Variants in MICAL3 observed in about 807,000 individuals in gnomAD.
MICAL3 encodes [F-actin]-monooxygenase MICAL3.
MICAL3 carries 62 observed loss-of-function variants against 207.4 expected under a neutral mutation model. The ratio of observed to expected loss-of-function variants is 0.30; its 90% CI spans 0.24 to 0.37. The LOEUF (loss-of-function observed/expected upper bound fraction) is 0.37. Among genes scored for constraint, MICAL3 ranks in the 10% least tolerant of loss-of-function variants. The pLI, the probability that MICAL3 is intolerant of heterozygous loss-of-function variation, is 1.00. For missense variants in MICAL3, 2,368 were observed against 2,635.6 expected (o/e 0.90, Z 2.22); for synonymous variants, 1,077 against 1,069.3 (o/e 1.01, Z -0.14).
intron 1 of MICAL3, among the ~76,000 whole-genome samples, chr22:17,924,493 T>G (rs1297644992): frequency 6.6e-6 from 1 of 152,146 alleles, no homozygotes; most frequent in Non-Finnish European, 1.5e-5. Context: ...CTGGAAATAT[T>G]CCAAAATCTC....
chr22:17,820,352 G>A (rs533041712), intron 25 of MICAL3, among the ~76,000 whole-genome samples: 75 of 152,224 alleles, frequency 4.9e-4, no homozygotes, highest in African/African-American at 1.5e-3. Context: ...CTGCATGGAC[G>A]CTGTAAATTT....
intron 16 of MICAL3, chr22:17,884,256 G>A: frequency 1.3e-6 from 2 of 1,573,678 alleles, no homozygotes; most frequent in Non-Finnish European, 1.7e-6. Context: ...ACCCATCCTG[G>A]CCCTGGCAGT....
At chr22:18,008,531 T>C (rs1394367529) in intron 1 of MICAL3, among the ~76,000 whole-genome samples, 1 of 152,154 alleles carries the variant, frequency 6.6e-6, no homozygotes, top group Non-Finnish European at 1.5e-5. Context: ...GTGGACCTAC[T>C]GAAGACATGA....
At chr22:17,876,824 G>GTTATGGAGGTTAGGGAGGTTAGGGAA (rs1928495510) in intron 16 of MICAL3, 4 of 91,198 alleles carry the variant, frequency 4.4e-5, no homozygotes, top group East Asian at 3.0e-4. Flanking sequence ...AGGTTAGGGA[G>GTTATGGAGGTTAGGGAGGTTAGGGAA]GTTATGGAGG....
intron 19 of MICAL3, chr22:17,864,686 C>A: frequency 6.2e-7 from 1 of 1,610,720 alleles, no homozygotes; most frequent in African/African-American, 1.3e-5. Flanking sequence ...TGGAACTCCC[C>A]TCTGATTTGC....
At chr22:17,878,355 C>T (rs1391892873) in intron 16 of MICAL3, among the ~76,000 whole-genome samples, 7 of 152,148 alleles carry the variant, frequency 4.6e-5, no homozygotes, top group Admixed American at 4.6e-4. Context: ...GGGTGAGCAC[C>T]GTGGGGCGAG....
In MICAL3 at chr22:18,014,862, G is replaced by A. The variant is rs371763503; in HGVS notation, c.-75+9419C>T. 6.6e-4 allele frequency among the ~76,000 whole-genome samples: 100 copies of A among 151,996 alleles called. 1 individual carries two copies. The highest frequency in any genetic ancestry group is 3.4e-3 in the Middle Eastern group (1 of 292). Reference sequence around the variant, plus strand: ...CAAAAAATTAGCCAGGCGTGGTGGCGGGTGCCTGTAGCCCCAGCTACTCGG... The same window carrying A: ...CAAAAAATTAGCCAGGCGTGGTGGCAGGTGCCTGTAGCCCCAGCTACTCGG... On this transcript the variant is annotated intron_variant, in intron 1 of 31. Coordinates refer to ENST00000441493, the MANE Select transcript of MICAL3 (RefSeq NM_015241.3).
At chr22:17,970,453 G>A (rs1270788540) in intron 1 of MICAL3, among the ~76,000 whole-genome samples, 1 of 152,224 alleles carries the variant, frequency 6.6e-6, no homozygotes, top group Non-Finnish European at 1.5e-5. Context: ...AGGCCCCTTT[G>A]GGAGTCAGAT....
chr22:17,949,102 C>T (rs9617645), intron 1 of MICAL3, among the ~76,000 whole-genome samples: 7,269 of 108,462 alleles, frequency 0.067, 274 homozygotes, highest in African/African-American at 0.14. Context: ...CTCAGCTACT[C>T]AGGAGGCTGA....
intron 1 of MICAL3, among the ~76,000 whole-genome samples, chr22:17,915,924 C>G (rs150878730): frequency 2.0e-5 from 3 of 151,700 alleles, no homozygotes; most frequent in African/African-American, 7.3e-5. Context: ...ACCCTCATCT[C>G]TACAAAAAAT....
At chr22:17,989,179 A>G (rs1017606583) in intron 1 of MICAL3, among the ~76,000 whole-genome samples, 3 of 152,126 alleles carry the variant, frequency 2.0e-5, no homozygotes, top group Non-Finnish European at 4.4e-5. Context: ...AATAAACAAG[A>G]AAGCCCTCAA....
At chr22:17,860,433 G>T in intron 19 of MICAL3, 1 of 985,466 alleles carries the variant, frequency 1.0e-6, no homozygotes, top group Non-Finnish European at 1.2e-6. Context: ...ACCGCCGCCG[G>T]GAAGCCGGCT....
chr22:17,952,917 A>AACATTT (rs1934418526), intron 1 of MICAL3, among the ~76,000 whole-genome samples: 3 of 152,190 alleles, frequency 2.0e-5, no homozygotes, highest in Admixed American at 1.3e-4. Context: ...GCACGGTTGT[A>AACATTT]ACATATGTAA....
intron 1 of MICAL3, among the ~76,000 whole-genome samples, chr22:17,944,852 C>A (rs552129957): frequency 6.6e-6 from 1 of 152,042 alleles, no homozygotes; most frequent in Non-Finnish European, 1.5e-5. Flanking sequence ...GAGGCTGAGG[C>A]GGAGCAGGGT....
intron 1 of MICAL3, among the ~76,000 whole-genome samples, chr22:17,932,502 A>G (rs561792772): frequency 6.6e-6 from 1 of 152,372 alleles, no homozygotes; most frequent in South Asian, 2.1e-4. Context: ...AGAAATGATC[A>G]GTACCAACCA....
intron 1 of MICAL3, among the ~76,000 whole-genome samples, chr22:17,931,090 C>A (rs1342571330): frequency 6.6e-6 from 1 of 152,184 alleles, no homozygotes; most frequent in Non-Finnish European, 1.5e-5. Flanking sequence ...CAGTGAGTGA[C>A]CCCTCTCTGA....
chr22:17,831,633 A>G (rs1386725307), intron 21 of MICAL3, among the ~76,000 whole-genome samples: 1 of 152,172 alleles, frequency 6.6e-6, no homozygotes, highest in Non-Finnish European at 1.5e-5. Flanking sequence ...CAGTTTCTAA[A>G]CCAATGTGCA....
At chr22:18,019,725 G>A in intron 1 of MICAL3, 1 of 200,616 alleles carries the variant, frequency 5.0e-6, no homozygotes, top group Non-Finnish European at 1.1e-5. Context: ...AAGAAAAAAA[G>A]GGTGATCAGG....
chr22:17,877,455 GTTAGGGAGA>G (rs199715040), intron 16 of MICAL3, among the ~76,000 whole-genome samples: 1,923 of 102,732 alleles, frequency 0.019, 1 homozygote, highest in South Asian at 0.025. Flanking sequence ...GGTTATGGAG[GTTAGGGAGA>G]TTATGGAGGT....
Sources: gnomAD v4.1 joint callset for allele counts (sites outside exome capture counted in the v4.1 genomes callset) on GRCh38, gnomAD v4.1.1 for gene constraint, MANE v1.5 for transcripts, NCBI Gene and HGNC (gene_info 2026-07-23, HGNC 2026-07-21) for gene names.